The following LRRN1 variants were observed in gnomAD, a reference collection of about 807,000 sequenced individuals.
LRRN1 encodes the protein leucine rich repeat neuronal 1, also known as leucine-rich repeat neuronal protein 1.
In LRRN1, 14 loss-of-function variants were observed where a neutral mutation model predicts 45.8. That is an observed-to-expected ratio of 0.31 (90% CI 0.20 to 0.48). The LOEUF (loss-of-function observed/expected upper bound fraction) is 0.48, where lower values mean the gene tolerates loss of function less well. Ranked by LOEUF, LRRN1 falls within the 20% of genes least tolerant of loss-of-function variation. LRRN1 has a pLI of 0.99. For synonymous variants in LRRN1, 359 were observed against 330.1 expected (o/e 1.09, Z -0.95); for missense variants, 789 against 874.2 (o/e 0.90, Z 1.23).
intron 1 of LRRN1, among the ~76,000 whole-genome samples, chr3:3,812,237 C>A (rs1352397006): frequency 6.6e-6 from 1 of 152,162 alleles, no homozygotes; most frequent in Non-Finnish European, 1.5e-5. Context: ...AATTATCACA[C>A]AAGTAAATGT....
At chr3:3,835,391 A>G (rs577311198) in intron 1 of LRRN1, among the ~76,000 whole-genome samples, 12 of 152,296 alleles carry the variant, frequency 7.9e-5, no homozygotes, top group East Asian at 7.7e-4. Context: ...TACTCACAGT[A>G]TGGTTTCTAC....
At chr3:3,801,725 T>C (rs1692656720) in intron 1 of LRRN1, among the ~76,000 whole-genome samples, 2 of 152,250 alleles carry the variant, frequency 1.3e-5, no homozygotes, top group African/African-American at 4.8e-5. Context: ...AGCCAAATTC[T>C]TTAAGTGCTA....
At chr3:3,801,836 G>T (rs538374428) in intron 1 of LRRN1, among the ~76,000 whole-genome samples, 6 of 152,238 alleles carry the variant, frequency 3.9e-5, no homozygotes, top group Admixed American at 6.5e-5. Context: ...AAAGGTTTGT[G>T]TGAAGCAGAC....
chr3:3,807,949 T>C (rs2106451247), intron 1 of LRRN1, among the ~76,000 whole-genome samples: 1 of 152,314 alleles, frequency 6.6e-6, no homozygotes, highest in South Asian at 2.1e-4. Context: ...TCATCCTTTC[T>C]CATGGGGAGG....
chr3:3,826,220 A>C (rs1416579502), intron 1 of LRRN1, among the ~76,000 whole-genome samples: 1 of 152,186 alleles, frequency 6.6e-6, no homozygotes, highest in African/African-American at 2.4e-5. Context: ...AAAAGAAGGG[A>C]AGAAAGGAAG....
At chr3:3,827,591 A>C in intron 1 of LRRN1, 1 of 440,358 alleles carries the variant, frequency 2.3e-6, no homozygotes, top group Non-Finnish European at 4.6e-6. Context: ...AAAGGAAGCA[A>C]ATTTGAATCC....
chr3:3,842,883 T>A (rs975822498), intron 1 of LRRN1, among the ~76,000 whole-genome samples: 1 of 152,220 alleles, frequency 6.6e-6, no homozygotes, highest in Non-Finnish European at 1.5e-5. Flanking sequence ...AACCACTAAC[T>A]ACTAATATTA....
chr3:3,836,430 G>A (rs142020126), intron 1 of LRRN1, among the ~76,000 whole-genome samples: 66 of 152,236 alleles, frequency 4.3e-4, no homozygotes, highest in African/African-American at 9.1e-4. Context: ...ATGGAATCAC[G>A]TACTATTCAC....
chr3:3,846,896 G>C lies in LRRN1; in HGVS notation c.*104G>C. ...GACTTTTGTATTTTTGACTTTGCTA[G>C]TTTGTGGCAGAGTGGAGAGGACGGG... On this transcript the variant is annotated 3_prime_UTR_variant, in exon 2 of 2. Coordinates refer to ENST00000319331, the MANE Select transcript of LRRN1 (RefSeq NM_020873.7). The surrounding 1 kb of genome is among the most constrained non-coding windows in gnomAD (Gnocchi z 5.7). The C allele has an allele frequency of 2.0e-6, 2 of 1,011,008 alleles. No individual in the cohort carries two copies. The highest frequency in any genetic ancestry group is 2.9e-6 in the Non-Finnish European group (2 of 699,070). 62.6% of individuals were successfully genotyped at this position (1,011,008 alleles called of 1,614,324 possible). A position where few individuals can be genotyped will look rare whatever the true frequency, so the allele number is the denominator to read the frequency against.
In LRRN1 at chr3:3,845,251, A is replaced by T. The variant is rs764152221; in HGVS notation, c.610A>T (p.Ile204Phe). The change falls in exon 2 of 2, where the codon ATT becomes TTT. Residue 204 changes from isoleucine to phenylalanine, a missense_variant. Physicochemically the swap from Ile to Phe is conservative, Grantham distance 21 (BLOSUM62 0). Transcript: ENST00000319331. This position sits in a 1 kb window ranked among gnomAD's most constrained non-coding sequence, Gnocchi z 6.5. Reference sequence around the variant, plus strand: ...TCTCATGATCGGAGAAAACCCTGTGATTGGAATTCTGGATATGAACTTCAA... The same window carrying T: ...TCTCATGATCGGAGAAAACCCTGTGTTTGGAATTCTGGATATGAACTTCAA... ...EILMIGENPV[I>F]GILDMNFKPL... The T allele has an allele frequency of 8.1e-6, 13 of 1,614,052 alleles. No homozygotes were observed. The African/African-American group carries it at 1.3e-4, about 17-fold the overall frequency.
Position 3,848,419 on chromosome 3 carries a change from C to G in LRRN1, c.*1627C>G, listed in dbSNP as rs757170796. 2.6e-5 allele frequency among the ~76,000 whole-genome samples: 4 copies of G among 152,116 alleles called. No homozygotes were observed. Among genetic ancestry groups the G allele is most frequent in the Non-Finnish European group, 5.9e-5 (4 of 68,020 alleles). ...ACCCATTTGAAAATAAAGGTTGTTT[C>G]AAAAGGCAGCTGCCGCCAGGCACAC... On this transcript the variant is annotated 3_prime_UTR_variant, in exon 2 of 2. Coordinates refer to ENST00000319331, the MANE Select transcript of LRRN1 (RefSeq NM_020873.7).
chr3:3,842,900 C>T (rs1693678104), intron 1 of LRRN1, among the ~76,000 whole-genome samples: 1 of 152,144 alleles, frequency 6.6e-6, no homozygotes, highest in Non-Finnish European at 1.5e-5. Context: ...ATTATCTTTG[C>T]CAGCAGGTGA....
intron 1 of LRRN1, among the ~76,000 whole-genome samples, chr3:3,832,675 T>G (rs1693397060): frequency 6.6e-6 from 1 of 152,204 alleles, no homozygotes; most frequent in African/African-American, 2.4e-5. Flanking sequence ...AGTGGGGTTT[T>G]TCCTTAAAGG....
intron 1 of LRRN1, among the ~76,000 whole-genome samples, chr3:3,823,716 G>A (rs1426058682): frequency 6.6e-6 from 1 of 152,144 alleles, no homozygotes; most frequent in Non-Finnish European, 1.5e-5. Context: ...GGTGGCATAG[G>A]TAGTACCAGG....
intron 1 of LRRN1, among the ~76,000 whole-genome samples, chr3:3,836,475 A>G (rs115653566): frequency 0.016 from 2,445 of 152,302 alleles, 66 homozygotes; most frequent in African/African-American, 0.055. Context: ...AATGTCCTCA[A>G]GATTCATCCG....
intron 1 of LRRN1, chr3:3,800,591 GC>G (rs1692627665): frequency 6.9e-6 from 1 of 145,556 alleles, no homozygotes; most frequent in Non-Finnish European, 1.5e-5. Flanking sequence ...ACAGACCTCA[GC>G]CCGTGAGCCT....
Position 3,844,480 on chromosome 3 carries a change from C to A in LRRN1, c.-162C>A. On this transcript the variant is annotated 5_prime_UTR_variant, in exon 2 of 2. Coordinates refer to ENST00000319331, the MANE Select transcript of LRRN1 (RefSeq NM_020873.7). ...AGTTGCTTTCTGCCTTTTGAAAACTCCTGAAAACCATCCCTTTGGACTCTG... is the reference window on the plus strand; with the variant it reads ...AGTTGCTTTCTGCCTTTTGAAAACTACTGAAAACCATCCCTTTGGACTCTG... 3.3e-6 allele frequency: 2 copies of A among 601,044 alleles called. No homozygotes were observed. Among genetic ancestry groups the A allele is most frequent in the Non-Finnish European group, 5.7e-6 (2 of 349,070 alleles). 37.2% of individuals were successfully genotyped at this position (601,044 alleles called of 1,614,324 possible).
intron 1 of LRRN1, among the ~76,000 whole-genome samples, chr3:3,840,851 T>TA (rs1427050024): frequency 2.6e-5 from 4 of 152,182 alleles, no homozygotes; most frequent in African/African-American, 9.7e-5. Context: ...TCATATAATT[T>TA]AAACTAAAAT....
chr3:3,837,351 C>T (rs1262660052), intron 1 of LRRN1, among the ~76,000 whole-genome samples: 2 of 151,814 alleles, frequency 1.3e-5, no homozygotes, highest in Non-Finnish European at 2.9e-5. Context: ...CATTTTATAA[C>T]CCCACACCAA....
Sources: allele counts gnomAD v4.1 joint callset (sites outside exome capture counted in the v4.1 genomes callset), GRCh38; gene constraint gnomAD v4.1.1; non-coding constraint Gnocchi (gnomAD v3.1); transcripts MANE v1.5; gene names NCBI Gene and HGNC (gene_info 2026-07-23, HGNC 2026-07-21).